Variants in KIAA1549L observed in about 807,000 individuals in gnomAD.
The protein encoded by KIAA1549L is UPF0606 protein KIAA1549L.
KIAA1549L carries 88 observed loss-of-function variants against 160.7 expected under a neutral mutation model. The observed-to-expected ratio is 0.55, with a 90% CI of 0.46 to 0.65. KIAA1549L has a LOEUF of 0.65. KIAA1549L is among the 30% of genes least tolerant of loss of function. KIAA1549L has a pLI of 0.00. For missense variants in KIAA1549L, 2,258 were observed against 2,437.5 expected (o/e 0.93, Z 1.55); for synonymous variants, 950 against 976.7 (o/e 0.97, Z 0.51).
In KIAA1549L at chr11:33,541,982, C is replaced by A. The variant is rs1854034360; in HGVS notation, c.419C>A (p.Thr140Asn). 2.4e-6 allele frequency: 1 copy of A among 414,938 alleles called. No homozygotes were observed. The highest frequency in any genetic ancestry group is 1.7e-5 in the South Asian group (1 of 58,584). The allele number at this position is 414,938 out of a possible 1,614,324, so 25.7% of individuals were successfully genotyped here. The change falls in exon 2 of 21, where the codon ACC becomes AAC. Residue 140 changes from threonine to asparagine, a missense_variant. Physicochemically the swap from Thr to Asn is moderately conservative, Grantham distance 65 (BLOSUM62 0). Around this residue, in one of 6 missense-constraint regions of KIAA1549L, gnomAD observed 540 missense variants for 465.7 expected, o/e 1.16. Coordinates refer to ENST00000658780, the MANE Select transcript of KIAA1549L (RefSeq NM_012194.3). Reference protein sequence around the residue: ...DNTSLPQSARTPASKTHHRTR... With the variant: ...DNTSLPQSARNPASKTHHRTR... ...ACAAGCTTGCCACAGTCAGCCCGAACCCCTGCGTCCAAGACACACCACAGA... is the reference window on the plus strand; with the variant it reads ...ACAAGCTTGCCACAGTCAGCCCGAAACCCTGCGTCCAAGACACACCACAGA...
intron 12 of KIAA1549L, 113 bp from the exon 13 acceptor site, chr11:33,598,707 A>G: frequency 7.8e-7 from 1 of 1,281,650 alleles, no homozygotes; most frequent in South Asian, 1.4e-5. Flanking sequence ...CTCTTTGTCC[A>G]TTAAACTGGA....
chr11:33,542,194 G>A lies in KIAA1549L; in HGVS notation c.631G>A (p.Gly211Arg). 1 of 649,272 alleles carries A rather than the reference G, an allele frequency of 1.5e-6. No individual in the cohort carries two copies. Among genetic ancestry groups the A allele is most frequent in the Non-Finnish European group, 2.9e-6 (1 of 350,050 alleles). 40.2% of individuals were successfully genotyped at this position (649,272 alleles called of 1,614,324 possible). ...CCCCTCGTTGTCCACAGTCCCATCA[G>A]GGACATCCTTCAGTGCTGTCCCCCC... ...MLPSLSTVPS[G>R]TSFSAVPPSQ... Residue 211 changes from glycine to arginine, a missense_variant, in exon 2 of 21, where the codon GGG (glycine) becomes AGG (arginine). Gly to Arg is a moderately radical substitution (Grantham distance 125). Transcript: ENST00000658780.
intron 16 of KIAA1549L, among the ~76,000 whole-genome samples, chr11:33,641,198 A>G (rs1374457832): frequency 6.6e-6 from 1 of 152,208 alleles, no homozygotes; most frequent in African/African-American, 2.4e-5. Flanking sequence ...CCTCGAGTCA[A>G]TTTGAGCACC....
intron 1 of KIAA1549L, among the ~76,000 whole-genome samples, chr11:33,509,777 T>C (rs974933308): frequency 6.6e-6 from 1 of 152,152 alleles, no homozygotes; most frequent in Non-Finnish European, 1.5e-5. Context: ...TGATTTGTGT[T>C]TGGAATGAAT....
intron 9 of KIAA1549L, among the ~76,000 whole-genome samples, chr11:33,572,619 G>T (rs1855301332): frequency 6.6e-6 from 1 of 152,094 alleles, no homozygotes; most frequent in Non-Finnish European, 1.5e-5. Context: ...CATCCATGTT[G>T]TTGTGTTATT....
At chr11:33,537,322 G>A (rs966886196) in intron 1 of KIAA1549L, among the ~76,000 whole-genome samples, 1 of 152,142 alleles carries the variant, frequency 6.6e-6, no homozygotes, top group African/African-American at 2.4e-5. Context: ...AAAAATGCTG[G>A]TGTCCATATC....
chr11:33,640,751 G>C (rs12796775), intron 16 of KIAA1549L, among the ~76,000 whole-genome samples: 8,271 of 152,166 alleles, frequency 0.054, 324 homozygotes, highest in Non-Finnish European at 0.089. Flanking sequence ...TCTAATTTCC[G>C]ACCATGAACA....
intron 16 of KIAA1549L, among the ~76,000 whole-genome samples, chr11:33,628,881 C>G (rs1473956899): frequency 6.6e-6 from 1 of 151,758 alleles, no homozygotes; most frequent in African/African-American, 2.4e-5. Flanking sequence ...TTCCCAGTCT[C>G]GATGGTCCTT....
chr11:33,397,449 G>A (rs571839200), intron 1 of KIAA1549L, among the ~76,000 whole-genome samples: 2 of 151,350 alleles, frequency 1.3e-5, no homozygotes, highest in Admixed American at 6.6e-5. Flanking sequence ...GGTGGCTCAC[G>A]CCTGTAATCC....
At chr11:33,650,277 A>T (rs1851847519) in intron 17 of KIAA1549L, among the ~76,000 whole-genome samples, 1 of 152,170 alleles carries the variant, frequency 6.6e-6, no homozygotes, top group African/African-American at 2.4e-5. Flanking sequence ...GCTTAGAAAA[A>T]TCCTTATAAT....
intron 1 of KIAA1549L, among the ~76,000 whole-genome samples, chr11:33,460,029 T>A (rs538321532): frequency 6.6e-6 from 1 of 151,944 alleles, no homozygotes; most frequent in South Asian, 2.1e-4. Flanking sequence ...TTCTGTTCCT[T>A]AGCAACCCAC....
intron 1 of KIAA1549L, among the ~76,000 whole-genome samples, chr11:33,533,060 A>G (rs184690471): frequency 1.3e-5 from 2 of 152,346 alleles, no homozygotes; most frequent in Admixed American, 6.5e-5. Flanking sequence ...TGATAAAAGC[A>G]TCATGACCAG....
chr11:33,408,015 C>T (rs1037683917), intron 1 of KIAA1549L, among the ~76,000 whole-genome samples: 2 of 152,044 alleles, frequency 1.3e-5, no homozygotes, highest in Non-Finnish European at 2.9e-5. Context: ...TTTTTTTTCC[C>T]ACCTTGTAAA....
At chr11:33,494,094 A>G (rs1180360458) in intron 1 of KIAA1549L, among the ~76,000 whole-genome samples, 3 of 152,178 alleles carry the variant, frequency 2.0e-5, no homozygotes, top group African/African-American at 7.2e-5. Flanking sequence ...TTCCATGCCT[A>G]ATTTGCCATC....
At chr11:33,393,234 G>C (rs1448342273) in intron 1 of KIAA1549L, among the ~76,000 whole-genome samples, 6 of 152,016 alleles carry the variant, frequency 3.9e-5, no homozygotes, top group Admixed American at 3.3e-4. Context: ...GCCCTTCCCA[G>C]CCTTGTCTGC....
intron 13 of KIAA1549L, among the ~76,000 whole-genome samples, chr11:33,601,194 T>C (rs1850351436): frequency 6.6e-6 from 1 of 152,186 alleles, no homozygotes; most frequent in Admixed American, 6.5e-5. Flanking sequence ...TTGCACTTTA[T>C]TTTTGCCAAA....
intron 1 of KIAA1549L, among the ~76,000 whole-genome samples, chr11:33,390,461 G>A (rs924859989): frequency 1.3e-5 from 2 of 152,184 alleles, no homozygotes; most frequent in Non-Finnish European, 2.9e-5. Context: ...GAGTGGGCAA[G>A]CCTCTTTAGT....
intron 1 of KIAA1549L, among the ~76,000 whole-genome samples, chr11:33,435,765 T>G (rs1223932676): frequency 0.063 from 507 of 8,106 alleles, 67 homozygotes; most frequent in African/African-American, 0.099. Context: ...ATAAGATATA[T>G]ATATATATAT....
chr11:33,614,566 ATATATATATATATATATAT>A (rs1850748432), intron 15 of KIAA1549L, among the ~76,000 whole-genome samples: 1 of 13,986 alleles, frequency 7.2e-5, no homozygotes. Context: ...ATATATATAT[ATATATATATATATATATAT>A]TTTTTTTTTT....
Sources: gnomAD v4.1 joint callset for allele counts (sites outside exome capture counted in the v4.1 genomes callset) on GRCh38, gnomAD v4.1.1 for gene constraint, gnomAD v4.1.1 regional missense constraint, MANE v1.5 for transcripts, NCBI Gene and HGNC (gene_info 2026-07-23, HGNC 2026-07-21) for gene names.